Variants in EEFSEC observed in about 807,000 individuals in gnomAD.
EEFSEC encodes the protein selenocysteine-specific elongation factor.
In EEFSEC, 43 loss-of-function variants were observed where a neutral mutation model predicts 42.1. The observed-to-expected ratio is 1.02, with a 90% CI of 0.80 to 1.32. EEFSEC has a LOEUF of 1.32. Ranked by LOEUF, EEFSEC falls within the 40% of genes most tolerant of loss-of-function variation. The probability of loss-of-function intolerance (pLI) is 0.00; values close to 1 mark genes in which losing one functional copy is unlikely to be tolerated. For synonymous variants in EEFSEC, 354 were observed against 339.1 expected (o/e 1.04, Z -0.48); for missense variants, 745 against 803.6 (o/e 0.93, Z 0.88).
At chr3:128,412,519 G>C (rs2107645219), downstream of EEFSEC, among the ~76,000 whole-genome samples, 1 of 152,314 alleles carries the variant, frequency 6.6e-6, no homozygotes, top group African/African-American at 2.4e-5. Flanking sequence ...GAGAGTAGGA[G>C]TTTGCCAGGG....
intron 4 of EEFSEC, among the ~76,000 whole-genome samples, chr3:128,308,067 C>T (rs575579177): frequency 1.2e-4 from 18 of 152,344 alleles, no homozygotes; most frequent in African/African-American, 2.9e-4. Context: ...TTGGAACTCA[C>T]GGCAACTTGC....
intron 4 of EEFSEC, among the ~76,000 whole-genome samples, chr3:128,296,837 C>T (rs989384534): frequency 8.5e-5 from 13 of 152,208 alleles, no homozygotes; most frequent in Non-Finnish European, 1.8e-4. Context: ...GTGTGTTGGC[C>T]AGAAGGCCCC....
the EEFSEC span, among the ~76,000 whole-genome samples, chr3:128,418,395 G>A: frequency 1.3e-5 from 2 of 151,978 alleles, no homozygotes; most frequent in African/African-American, 4.8e-5. Context: ...AGGCGGCTCT[G>A]CCCGACTCCT....
intron 4 of EEFSEC, among the ~76,000 whole-genome samples, chr3:128,322,062 G>A (rs2067013619): frequency 1.3e-5 from 2 of 152,232 alleles, no homozygotes; most frequent in African/African-American, 4.8e-5. Context: ...TGGTACTCTA[G>A]GGCTACTTTG....
chr3:128,405,660 T>A (rs1245191706), intron 6 of EEFSEC, among the ~76,000 whole-genome samples: 3 of 152,260 alleles, frequency 2.0e-5, no homozygotes. Context: ...AAGCTTGATG[T>A]GCGAGCCTTA....
At chr3:128,274,667 TTTA>T (rs1445157982) in intron 4 of EEFSEC, among the ~76,000 whole-genome samples, 1 of 152,322 alleles carries the variant, frequency 6.6e-6, no homozygotes, top group East Asian at 1.9e-4. Context: ...TTAAATGAGT[TTTA>T]TTGTTTCTAG....
intron 4 of EEFSEC, among the ~76,000 whole-genome samples, chr3:128,339,094 A>G (rs777990281): frequency 3.3e-5 from 5 of 152,176 alleles, no homozygotes; most frequent in Non-Finnish European, 7.3e-5. Context: ...ACTCTGAGTA[A>G]TGTTCCCAAA....
At chr3:128,180,715 A>G (rs2065396698) in intron 1 of EEFSEC, among the ~76,000 whole-genome samples, 1 of 152,196 alleles carries the variant, frequency 6.6e-6, no homozygotes. Context: ...CTGTGAAAGG[A>G]GCAGAGCAGC....
chr3:128,168,374 C>G (rs1478658504), intron 1 of EEFSEC, among the ~76,000 whole-genome samples: 1 of 152,164 alleles, frequency 6.6e-6, no homozygotes, highest in African/African-American at 2.4e-5. Flanking sequence ...TGTAAAATTC[C>G]TGGAGTGCCA....
At chr3:128,336,489 T>C (rs1179748355) in intron 4 of EEFSEC, among the ~76,000 whole-genome samples, 1 of 152,186 alleles carries the variant, frequency 6.6e-6, no homozygotes, top group Non-Finnish European at 1.5e-5. Context: ...CCCATGGCAA[T>C]GGTGGCTGGC....
intron 4 of EEFSEC, among the ~76,000 whole-genome samples, chr3:128,277,445 G>A (rs2066480592): frequency 6.6e-6 from 1 of 152,122 alleles, no homozygotes; most frequent in Admixed American, 6.5e-5. Flanking sequence ...GCCTTTCAAA[G>A]TTTGGGTGTT....
At chr3:128,276,690 T>C (rs1482906038) in intron 4 of EEFSEC, among the ~76,000 whole-genome samples, 1 of 152,196 alleles carries the variant, frequency 6.6e-6, no homozygotes, top group Non-Finnish European at 1.5e-5. Context: ...CCCATTTCTG[T>C]TCTTACAGTT....
intron 1 of EEFSEC, among the ~76,000 whole-genome samples, chr3:128,242,683 A>G (rs755114381): frequency 3.9e-5 from 6 of 152,190 alleles, no homozygotes; most frequent in Non-Finnish European, 5.9e-5. Context: ...TATTTTTGAA[A>G]TGATTAAGAT....
chr3:128,358,843 T>C (rs1469101809), intron 6 of EEFSEC, among the ~76,000 whole-genome samples: 1 of 152,128 alleles, frequency 6.6e-6, no homozygotes, highest in Non-Finnish European at 1.5e-5. Context: ...GCTGAGTTTG[T>C]GCTGGGGCCT....
chr3:128,341,705 T>A lies in EEFSEC; in HGVS notation c.1259T>A (p.Val420Asp). 6.2e-7 allele frequency: 1 copy of A among 1,614,114 alleles called. No homozygotes were observed. Among genetic ancestry groups the A allele is most frequent in the Non-Finnish European group, 8.5e-7 (1 of 1,180,048 alleles). The change falls in exon 5 of 7, where the codon GTC becomes GAC. Residue 420 changes from valine (V) to aspartate (D), a missense_variant. Physicochemically the swap from Val to Asp is radical, Grantham distance 152 (BLOSUM62 -3). Coordinates refer to ENST00000254730, the MANE Select transcript of EEFSEC (RefSeq NM_021937.5). ...QWALVEFEKP[V>D]TCPRLCLVIG... ...GCCCTGGTGGAGTTTGAGAAGCCCGTCACCTGCCCTCGGCTGTGCCTGGTG... is the reference window on the plus strand; with the variant it reads ...GCCCTGGTGGAGTTTGAGAAGCCCGACACCTGCCCTCGGCTGTGCCTGGTG...
chr3:128,211,183 G>A (rs1226905640), intron 1 of EEFSEC, among the ~76,000 whole-genome samples: 1 of 152,284 alleles, frequency 6.6e-6, no homozygotes, highest in East Asian at 1.9e-4. Context: ...TAAAATATGG[G>A]TGCTATTGCC....
chr3:128,247,186 T>A, intron 2 of EEFSEC, 143 bp downstream of exon 2: 1 of 854,600 alleles, frequency 1.2e-6, no homozygotes, highest in Non-Finnish European at 1.8e-6. Flanking sequence ...TTTGCTCACA[T>A]AAGGGCTGCA....
At chr3:128,407,042 G>A (rs900624107) in intron 6 of EEFSEC, among the ~76,000 whole-genome samples, 7 of 152,306 alleles carry the variant, frequency 4.6e-5, no homozygotes, top group Non-Finnish European at 1.0e-4. Context: ...GGAACAACAC[G>A]TGACAGGCTT....
chr3:128,380,174 G>A (rs1009467457), intron 6 of EEFSEC, among the ~76,000 whole-genome samples: 4 of 152,162 alleles, frequency 2.6e-5, no homozygotes, highest in Admixed American at 6.5e-5. Flanking sequence ...TGGGCACCCC[G>A]ATACCCACTG....
Sources: gnomAD v4.1 joint callset for allele counts (sites outside exome capture counted in the v4.1 genomes callset) on GRCh38, gnomAD v4.1.1 for gene constraint, MANE v1.5 for transcripts, NCBI Gene and HGNC (gene_info 2026-07-23, HGNC 2026-07-21) for gene names.